MLF1: variants seen among roughly 807,000 people sequenced by gnomAD.
The protein encoded by MLF1 is myelodysplasia-myeloid leukemia factor 1.
In MLF1, 37 loss-of-function variants were observed where a neutral mutation model predicts 38.3. The observed-to-expected ratio is 0.96, with a 90% CI of 0.74 to 1.27. The LOEUF is 1.27. MLF1 is among the 50% of genes most tolerant of loss of function. MLF1 has a pLI of 0.00. For synonymous variants in MLF1, 95 were observed against 106.5 expected, an observed-to-expected ratio of 0.89 and a Z score of 0.66; for missense variants, 331 against 349.2, an observed-to-expected ratio of 0.95 and a Z score of 0.42.
chr3:158,584,893 C>T (rs1156661048), intron 1 of MLF1, among the ~76,000 whole-genome samples: 1 of 151,636 alleles, frequency 6.6e-6, no homozygotes, highest in Non-Finnish European at 1.5e-5. Flanking sequence ...CAAAAATTAG[C>T]CAGGCACAGT....
rs76433539 is a variant in MLF1, at chr3:158,583,543, A to G, written c.48-8891A>G. ...TAATTAAAGAGTTTGGGAAGCATGT[A>G]AAAACAGGAAAGCTACTTAAAAAAC... On this transcript the variant is annotated intron_variant, in intron 1 of 7. Coordinates refer to ENST00000466246, the MANE Select transcript of MLF1 (RefSeq NM_001369783.1). Among the ~76,000 whole-genome samples, 200 of 152,352 alleles carry G rather than the reference A, an allele frequency of 1.3e-3. No individual in the cohort carries two copies. The East Asian group carries it at 0.035, about 27-fold the overall frequency.
chr3:158,582,825 C>T (rs1560099474), intron 1 of MLF1: 1 of 669,962 alleles, frequency 1.5e-6, no homozygotes, highest in East Asian at 2.8e-5. Flanking sequence ...GTAGACCTGC[C>T]TTGCAAGAAA....
intron 1 of MLF1, among the ~76,000 whole-genome samples, chr3:158,571,874 A>G (rs1174251816): frequency 1.1e-4 from 1 of 9,026 alleles, no homozygotes; most frequent in Non-Finnish European, 2.0e-4. Context: ...AGGTGAGGGG[A>G]AGGGTTGAGG....
Position 158,605,182 on chromosome 3 carries a change from G to A in MLF1, c.832G>A (p.Val278Met). Residue 278 changes from valine (V) to methionine (M), a missense_variant, in exon 8 of 8, where the codon GTG becomes ATG. Val to Met is a conservative substitution (Grantham distance 21). Transcript: ENST00000466246. ...CAAACTCCACATCAAAGGCTCATCT[G>A]TGAAAAGCAACAAAAAATAAATAGC... Reference protein sequence around the residue: ...GDKLHIKGSSVKSNKK With the variant: ...GDKLHIKGSSMKSNKK 1 of 1,613,068 alleles carries A rather than the reference G, an allele frequency of 6.2e-7. No individual in the cohort carries two copies. Among genetic ancestry groups the A allele is most frequent in the Non-Finnish European group, 8.5e-7 (1 of 1,179,506 alleles).
intron 1 of MLF1, among the ~76,000 whole-genome samples, chr3:158,583,397 G>C (rs538795907): frequency 1.3e-5 from 2 of 152,174 alleles, no homozygotes; most frequent in South Asian, 4.1e-4. Context: ...CCAGCCTCCA[G>C]AACTGTGAGA....
chr3:158,593,470 CA>C, intron 3 of MLF1, 44 bp downstream of exon 3: 1 of 1,458,238 alleles, frequency 6.9e-7, no homozygotes, highest in African/African-American at 1.4e-5. Context: ...TATTTTCTGA[CA>C]AATATTTATT....
intron 2 of MLF1, among the ~76,000 whole-genome samples, chr3:158,592,838 T>A (rs2108619692): frequency 6.6e-6 from 1 of 152,272 alleles, no homozygotes; most frequent in East Asian, 1.9e-4. Context: ...ACCATTATTT[T>A]TTATATTTAT....
intron 1 of MLF1, chr3:158,591,092 G>A (rs556393894): frequency 1.8e-5 from 9 of 513,760 alleles, no homozygotes; most frequent in South Asian, 9.9e-5. Flanking sequence ...CTTATGAGCA[G>A]AAGACAGAAT....
At chr3:158,572,182 G>A (rs1714524780) in intron 1 of MLF1, among the ~76,000 whole-genome samples, 2 of 120,440 alleles carry the variant, frequency 1.7e-5, no homozygotes, top group Non-Finnish European at 3.5e-5. Context: ...GAGGATTTGG[G>A]AGCATGAGGT....
chr3:158,594,970 A>G (rs911646725), intron 3 of MLF1, among the ~76,000 whole-genome samples: 1 of 152,146 alleles, frequency 6.6e-6, no homozygotes, highest in Non-Finnish European at 1.5e-5. Context: ...GAGATAATTT[A>G]TTCATTCATT....
Position 158,600,029 on chromosome 3 carries a change from A to G in MLF1, c.469A>G (p.Lys157Glu). Residue 157 changes from lysine to glutamate, a missense_variant, in exon 6 of 8, where the codon AAA becomes GAA. Transcript: ENST00000466246. Reference sequence around the variant, plus strand: ...ATTTTTACAGATAAAGGAAACCAGGAAAGCAATGAGAGATTCTGACAGTGG... The same window carrying G: ...ATTTTTACAGATAAAGGAAACCAGGGAAGCAATGAGAGATTCTGACAGTGG... ...RAPGGIKETR[K>E]AMRDSDSGLE... The G allele has an allele frequency of 7.1e-7, 1 of 1,407,646 alleles. No homozygotes were observed. Among genetic ancestry groups the G allele is most frequent in the Non-Finnish European group, 9.3e-7 (1 of 1,074,888 alleles). The allele number at this position is 1,407,646 out of a possible 1,614,324, so 87.2% of individuals were successfully genotyped here.
chr3:158,593,178 CT>C (rs1357523192), intron 2 of MLF1, among the ~76,000 whole-genome samples: 2 of 151,672 alleles, frequency 1.3e-5, no homozygotes, highest in African/African-American at 4.8e-5. Flanking sequence ...TAACCATTTT[CT>C]TTTTTGCCTC....
intron 2 of MLF1, 126 bp downstream of exon 2, chr3:158,592,707 T>A (rs928281758): frequency 2.6e-6 from 2 of 769,164 alleles, no homozygotes; most frequent in African/African-American, 1.8e-5. Flanking sequence ...ATCACTATTA[T>A]ATAAAAGGGG....
chr3:158,598,167 G>C lies in MLF1; in HGVS notation c.412G>C (p.Val138Leu), dbSNP rs1182184671. Residue 138 changes from valine (V) to leucine (L), a missense_variant, in exon 5 of 8, where the codon GTT (valine) becomes CTT (leucine). Coordinates refer to ENST00000466246, the MANE Select transcript of MLF1 (RefSeq NM_001369783.1). ...YSKIGDEPPK[V>L]FQASTQTRRA... ...CAAAATAGGAGATGAACCGCCAAAG[G>C]TTTTTCAGGCCTCAACTCAAACTCG... is the stretch of plus-strand genomic sequence containing the variant. 8 of 1,613,736 alleles carry C rather than the reference G, an allele frequency of 5.0e-6. No individual in the cohort carries two copies. The highest frequency in any genetic ancestry group is 1.3e-5 in the African/African-American group (1 of 74,884).
chr3:158,587,301 T>G (rs968539431), intron 1 of MLF1, among the ~76,000 whole-genome samples: 1 of 152,210 alleles, frequency 6.6e-6, no homozygotes, highest in Non-Finnish European at 1.5e-5. Flanking sequence ...GGAGCAGTGC[T>G]TTTTAACATT....
In MLF1 at chr3:158,605,217, G is replaced by T; in HGVS notation, c.*15G>T. 1 of 1,589,952 alleles carries T rather than the reference G, an allele frequency of 6.3e-7. No individual in the cohort carries two copies. The highest frequency in any genetic ancestry group is 8.6e-7 in the Non-Finnish European group (1 of 1,161,240). On this transcript the variant is annotated 3_prime_UTR_variant, in exon 8 of 8. Coordinates refer to ENST00000466246, the MANE Select transcript of MLF1 (RefSeq NM_001369783.1). ...ACAAAAAATAAATAGCCATGCATTT[G>T]ATTTGTTTAGTTTTGATTGTTTTAA... is the stretch of plus-strand genomic sequence containing the variant.
intron 1 of MLF1, chr3:158,582,905 C>T (rs899667038): frequency 1.4e-6 from 1 of 690,282 alleles, no homozygotes; most frequent in African/African-American, 1.8e-5. Context: ...ATTAAAAAAG[C>T]AAGAGCATCA....
At chr3:158,581,104 T>C (rs899440894) in intron 1 of MLF1, among the ~76,000 whole-genome samples, 7 of 152,152 alleles carry the variant, frequency 4.6e-5, no homozygotes, top group Admixed American at 4.6e-4. Flanking sequence ...GATAGGCAGA[T>C]AGAGAGAATC....
intron 7 of MLF1, 89 bp downstream of exon 7, chr3:158,603,028 T>A: frequency 3.4e-6 from 4 of 1,185,280 alleles, no homozygotes; most frequent in Non-Finnish European, 4.7e-6. Context: ...AAAGTTTTGA[T>A]GATCATCCAA....
Sources: gnomAD v4.1 joint callset for allele counts (sites outside exome capture counted in the v4.1 genomes callset) on GRCh38, gnomAD v4.1.1 for gene constraint, MANE v1.5 for transcripts, NCBI Gene and HGNC (gene_info 2026-07-23, HGNC 2026-07-21) for gene names.